Variants in ADGRG2 observed in about 807,000 individuals in gnomAD.
The protein encoded by ADGRG2 is adhesion G protein-coupled receptor G2, also known as G protein-coupled receptor 64.
In ADGRG2, 26 loss-of-function variants were observed where a neutral mutation model predicts 74.1. The ratio of observed to expected loss-of-function variants is 0.35; its 90% CI spans 0.26 to 0.49. The LOEUF (loss-of-function observed/expected upper bound fraction) is 0.49, where lower values mean the gene tolerates loss of function less well. ADGRG2 is among the 20% of genes least tolerant of loss of function. ADGRG2 has a pLI of 0.99. For missense variants in ADGRG2, 619 were observed against 763.1 expected (o/e 0.81, Z 2.22); for synonymous variants, 296 against 295.2 (o/e 1.00, Z -0.03).
chrX:19,048,983 AC>A (rs1230522525), intron 3 of ADGRG2, among the ~76,000 whole-genome samples: 1 of 111,638 alleles, frequency 9.0e-6, no homozygotes, highest in Non-Finnish European at 1.9e-5. Context: ...AATCGCCCCA[AC>A]ATTTCCATGA....
chrX:19,088,795 G>A (rs1233836029), intron 1 of ADGRG2, among the ~76,000 whole-genome samples: 2 of 111,985 alleles, frequency 1.8e-5, no homozygotes, highest in African/African-American at 6.5e-5. Context: ...AATGATGAGA[G>A]AAAATACGAC....
intron 3 of ADGRG2, among the ~76,000 whole-genome samples, chrX:19,052,635 T>C (rs1012454355): frequency 1.8e-5 from 2 of 109,045 alleles, no homozygotes; most frequent in Non-Finnish European, 3.8e-5. Flanking sequence ...TATAAACACA[T>C]ATATACGTTT....
In ADGRG2 at chrX:19,117,790, C is replaced by A. The variant is rs1306299323; in HGVS notation, c.-47+4652G>T. Among the ~76,000 whole-genome samples the A allele has an allele frequency of 1.5e-4, 17 of 110,830 alleles. No homozygotes were observed. In the Admixed American group the frequency reaches 1.6e-3, roughly 11 times the overall value. On this transcript the variant is annotated intron_variant, in intron 1 of 28. Transcript: ENST00000379869. ...CGAGATTACTACCACTGCTCTCCAG[C>A]CTAGTTGACAGAGCAGGACTCTATC...
At chrX:19,066,844 T>A (rs1258916827) in intron 3 of ADGRG2, among the ~76,000 whole-genome samples, 3 of 111,386 alleles carry the variant, frequency 2.7e-5, no homozygotes, top group Non-Finnish European at 5.6e-5. Context: ...TTTTCTCAGA[T>A]GCCTTTTCTT....
chrX:18,991,903 A>G (rs754402195), intron 28 of ADGRG2, among the ~76,000 whole-genome samples: 49 of 112,282 alleles, frequency 4.4e-4, no homozygotes, highest in African/African-American at 1.3e-3. Context: ...TATCTCATTT[A>G]GAGCCCTGCA....
At chrX:19,043,959 C>T (rs183720280) in intron 3 of ADGRG2, among the ~76,000 whole-genome samples, 147 of 111,311 alleles carry the variant, frequency 1.3e-3, no homozygotes, top group Non-Finnish European at 2.3e-3. Flanking sequence ...CAGTAACACC[C>T]GCCAAACATT....
intron 16 of ADGRG2, among the ~76,000 whole-genome samples, 172 bp downstream of exon 16, chrX:19,013,514 A>G (rs1402638682): frequency 8.9e-6 from 1 of 112,201 alleles, no homozygotes; most frequent in Non-Finnish European, 1.9e-5. Context: ...ATTAAATTAG[A>G]TATGCCACCT....
chrX:18,990,933 A>G lies in ADGRG2; in HGVS notation c.2985T>C (p.Asn995=). Residue 995 remains asparagine, a synonymous_variant, in exon 29 of 29, where the codon AAT becomes AAC. Transcript: ENST00000379869. ...TTCTGAGAGCCATACGGCCTTTCCC[A>G]TTGCAGGAATCTTCCTTCTCGTTAA... ...HMFNEKEDSC[N]GKGRMALRRT... is the part of the protein sequence containing the mutation. The G allele has an allele frequency of 3.3e-6, 4 of 1,206,351 alleles. No individual in the cohort carries two copies. The highest frequency in any genetic ancestry group is 4.5e-6 in the Non-Finnish European group (4 of 890,826).
At chrX:19,112,906 C>T (rs1253212015) in intron 1 of ADGRG2, among the ~76,000 whole-genome samples, 6 of 102,400 alleles carry the variant, frequency 5.9e-5, no homozygotes, top group Non-Finnish European at 1.2e-4. Flanking sequence ...TGCAGTGAGC[C>T]GAGATCGCGC....
chrX:19,117,111 G>A (rs1217705261), intron 1 of ADGRG2, among the ~76,000 whole-genome samples: 1 of 109,739 alleles, frequency 9.1e-6, no homozygotes, highest in African/African-American at 3.3e-5. Flanking sequence ...CCAAGATGGT[G>A]AAACCTCGTC....
intron 13 of ADGRG2, among the ~76,000 whole-genome samples, chrX:19,021,734 G>A (rs778177514): frequency 1.8e-5 from 2 of 110,414 alleles, no homozygotes; most frequent in Non-Finnish European, 3.8e-5. Flanking sequence ...CAACCTCCCC[G>A]CCTCCCAGGT....
In ADGRG2 at chrX:19,040,227, G is replaced by A. The variant is rs1480104882; in HGVS notation, c.119-3C>T. The A allele has an allele frequency of 1.8e-6, 2 of 1,130,963 alleles. No homozygotes were observed. The highest frequency in any genetic ancestry group is 3.6e-5 in the African/African-American group (2 of 55,604). 93.2% of individuals were successfully genotyped at this position (1,130,963 alleles called of 1,213,427 possible). On this transcript the variant is annotated splice_region_variant and splice_polypyrimidine_tract_variant and intron_variant, in intron 3 of 28. Coordinates refer to ENST00000379869, the MANE Select transcript of ADGRG2 (RefSeq NM_001079858.3). ...CAAACTGGAATTATCAGTATCTTCT[G>A]TTGAGGAAAAGAGGTGATTCAGAAT... is the stretch of plus-strand genomic sequence containing the variant.
chrX:19,030,923 G>A (rs1342355111), intron 9 of ADGRG2, 61 bp downstream of exon 9: 6 of 771,667 alleles, frequency 7.8e-6, no homozygotes, highest in Admixed American at 2.7e-5. Flanking sequence ...AAAAGAAAGT[G>A]AACCATTTAT....
chrX:19,039,825 C>G (rs1403962746), intron 4 of ADGRG2, among the ~76,000 whole-genome samples: 1 of 111,888 alleles, frequency 8.9e-6, no homozygotes, highest in Non-Finnish European at 1.9e-5. Context: ...AAGTGAACAT[C>G]TCATCTCATC....
rs1423035717 is a variant in ADGRG2, at chrX:19,003,203, C to A, written c.1962-89G>T. 7 of 681,423 alleles carry A rather than the reference C, an allele frequency of 1.0e-5. No individual in the cohort carries two copies. The East Asian group carries it at 1.9e-4, about 19-fold the overall frequency. The allele number at this position is 681,423 out of a possible 1,213,427, so 56.2% of individuals were successfully genotyped here. A position where few individuals can be genotyped will look rare whatever the true frequency, so the allele number is the denominator to read the frequency against. On this transcript the variant is annotated intron_variant, in intron 23 of 28. Transcript: ENST00000379869. ...GGTTTAAGATAAGGTCTGGCTCTGT[C>A]ACCCAGGCTGGAGTGCAGTAGCGTG...
At chrX:19,109,611 G>A in intron 1 of ADGRG2, among the ~76,000 whole-genome samples, 1 of 111,763 alleles carries the variant, frequency 8.9e-6, no homozygotes, top group East Asian at 2.8e-4. Flanking sequence ...TTATACCAGA[G>A]CTAACGTTGA....
rs1485720045 is a variant in ADGRG2 at position 19,010,123 on chromosome X, G to T, written c.1266-341C>A. On this transcript the variant is annotated intron_variant, in intron 17 of 28. Coordinates refer to ENST00000379869, the MANE Select transcript of ADGRG2 (RefSeq NM_001079858.3). ...CGCGCCCAGCCTTGTTTTTGTTTTTGTTTTTTTTTTTTTTTGAGACAGAGT... is the reference window on the plus strand; with the variant it reads ...CGCGCCCAGCCTTGTTTTTGTTTTTTTTTTTTTTTTTTTTTGAGACAGAGT... Among the ~76,000 whole-genome samples, 593 of 93,097 alleles carry T rather than the reference G, an allele frequency of 6.4e-3. 16 individuals are homozygous for T. Among genetic ancestry groups the T allele is most frequent in the Admixed American group, 0.058 (483 of 8,350 alleles). 80.8% of individuals were successfully genotyped at this position (93,097 alleles called of 115,157 possible).
At chrX:19,060,417 GA>G (rs781443419) in intron 3 of ADGRG2, among the ~76,000 whole-genome samples, 1 of 111,520 alleles carries the variant, frequency 9.0e-6, no homozygotes, top group East Asian at 2.8e-4. Flanking sequence ...CTTAAAATGG[GA>G]TTGCAGAGGT....
chrX:19,020,995 C>A, intron 14 of ADGRG2, 109 bp downstream of exon 14: 1 of 521,591 alleles, frequency 1.9e-6, no homozygotes, highest in South Asian at 2.7e-5. Flanking sequence ...ACAAAGGAGT[C>A]AAAACAGAAA....
Sources: allele counts gnomAD v4.1 joint callset (sites outside exome capture counted in the v4.1 genomes callset), GRCh38; gene constraint gnomAD v4.1.1; transcripts MANE v1.5; gene names NCBI Gene and HGNC (gene_info 2026-07-23, HGNC 2026-07-21).